The following SEC14L1 variants were observed in gnomAD, a reference collection of about 807,000 sequenced individuals.
SEC14L1 encodes SEC14-like protein 1.
A neutral mutation model predicts 85.3 loss-of-function variants in SEC14L1; 48 were observed. That is an observed-to-expected ratio of 0.56 (90% CI 0.45 to 0.72). SEC14L1 has a LOEUF of 0.72. Ranked by LOEUF, SEC14L1 falls within the 30% of genes least tolerant of loss-of-function variation. The pLI, the probability that SEC14L1 is intolerant of heterozygous loss-of-function variation, is 0.00. For missense variants in SEC14L1, 682 were observed against 921.4 expected, an observed-to-expected ratio of 0.74 and a Z score of 3.36; for synonymous variants, 391 against 355.5, an observed-to-expected ratio of 1.10 and a Z score of -1.12.
chr17:77,196,405 A>C lies in SEC14L1; in HGVS notation c.819+94A>C, dbSNP rs573728498. On this transcript the variant is annotated intron_variant, in intron 8 of 16. Coordinates refer to ENST00000436233, the MANE Select transcript of SEC14L1 (RefSeq NM_001143998.2). ...ATAGTCACCAAGAGTGATATTCCCA[A>C]CTTCCACGGCTGGGAATGTTTCTTC... 24 of 709,058 alleles carry C rather than the reference A, an allele frequency of 3.4e-5. No individual in the cohort carries two copies. In the East Asian group the frequency reaches 6.7e-4, roughly 20 times the overall value. The allele number at this position is 709,058 out of a possible 1,614,324, so 43.9% of individuals were successfully genotyped here. A position where few individuals can be genotyped will look rare whatever the true frequency, so the allele number is the denominator to read the frequency against.
chr17:77,114,925 T>C (rs892720575), intron 3 of SEC14L1, among the ~76,000 whole-genome samples: 20 of 151,148 alleles, frequency 1.3e-4, no homozygotes, highest in Non-Finnish European at 2.7e-4. Context: ...CTCCCAGCTA[T>C]AGCAGGAACA....
chr17:77,169,886 A>G (rs1974451222), intron 3 of SEC14L1, among the ~76,000 whole-genome samples: 1 of 152,214 alleles, frequency 6.6e-6, no homozygotes, highest in South Asian at 2.1e-4. Flanking sequence ...TACCTTTGGT[A>G]AAGTGAATGT....
At chr17:77,212,331 G>A (rs77014959) in intron 15 of SEC14L1, 130 bp downstream of exon 15, 20,880 of 1,343,160 alleles carry the variant, frequency 0.016, 376 homozygotes, top group Admixed American at 0.064. Context: ...TTGTGGAGGA[G>A]CAGCTTGCCT....
intron 3 of SEC14L1, among the ~76,000 whole-genome samples, chr17:77,097,407 T>C (rs1971672723): frequency 6.6e-6 from 1 of 152,078 alleles, no homozygotes; most frequent in East Asian, 1.9e-4. Context: ...CTATTAAAAG[T>C]ACAAAAATTA....
chr17:77,097,130 T>TA (rs1293306165), intron 3 of SEC14L1, among the ~76,000 whole-genome samples: 1 of 152,236 alleles, frequency 6.6e-6, no homozygotes, highest in Non-Finnish European at 1.5e-5. Flanking sequence ...AATCCAGTGT[T>TA]AACACGTACC....
At chr17:77,151,749 T>A (rs888811851) in intron 3 of SEC14L1, among the ~76,000 whole-genome samples, 2 of 152,174 alleles carry the variant, frequency 1.3e-5, no homozygotes, top group South Asian at 4.1e-4. Context: ...ATGCCCGTAA[T>A]CCCAGCACTT....
At chr17:77,151,159 C>T (rs145969809) in intron 3 of SEC14L1, among the ~76,000 whole-genome samples, 51 of 152,260 alleles carry the variant, frequency 3.3e-4, no homozygotes, top group East Asian at 1.5e-3. Flanking sequence ...GGGTAGGTGA[C>T]TTAAAACCCA....
intron 3 of SEC14L1, among the ~76,000 whole-genome samples, chr17:77,164,190 C>T (rs1333275373): frequency 2.6e-5 from 4 of 152,224 alleles, no homozygotes; most frequent in Non-Finnish European, 5.9e-5. Flanking sequence ...TGGGCTGACC[C>T]GGTACCGTGC....
chr17:77,186,815 T>C (rs1416983493), intron 3 of SEC14L1, among the ~76,000 whole-genome samples: 1 of 152,188 alleles, frequency 6.6e-6, no homozygotes, highest in Non-Finnish European at 1.5e-5. Flanking sequence ...GGGAGTGTTT[T>C]TAGTATAATA....
intron 10 of SEC14L1, 131 bp from the exon 11 acceptor site, chr17:77,205,145 T>G: frequency 1.4e-6 from 1 of 705,274 alleles, no homozygotes; most frequent in East Asian, 2.6e-5. Context: ...TGTAAGAAAA[T>G]CTCCATAGGT....
chr17:77,109,258 C>T (rs1393222343), intron 3 of SEC14L1, among the ~76,000 whole-genome samples: 2 of 152,248 alleles, frequency 1.3e-5, no homozygotes, highest in African/African-American at 4.8e-5. Flanking sequence ...AAAAGATAAC[C>T]AGTCACAGTT....
At chr17:77,175,515 G>A (rs754497306) in intron 3 of SEC14L1, among the ~76,000 whole-genome samples, 4 of 152,228 alleles carry the variant, frequency 2.6e-5, no homozygotes, top group African/African-American at 9.6e-5. Flanking sequence ...ATCTGTGTTT[G>A]CCTAGGCATG....
At chr17:77,176,159 G>C (rs570471974) in intron 3 of SEC14L1, among the ~76,000 whole-genome samples, 21 of 152,152 alleles carry the variant, frequency 1.4e-4, no homozygotes, top group Non-Finnish European at 2.5e-4. Context: ...GCGTGGTGCT[G>C]CACACCTGTA....
chr17:77,213,209 C>T lies in SEC14L1; in HGVS notation c.1864-105C>T, dbSNP rs1347057587. 2 of 956,560 alleles carry T rather than the reference C, an allele frequency of 2.1e-6. No individual in the cohort carries two copies. Among genetic ancestry groups the T allele is most frequent in the Non-Finnish European group, 3.1e-6 (2 of 654,880 alleles). The allele number at this position is 956,560 out of a possible 1,614,324, so 59.3% of individuals were successfully genotyped here. A position where few individuals can be genotyped will look rare whatever the true frequency, so the allele number is the denominator to read the frequency against. ...AATCCCATTGAGATAGTTTCCGTAGCTACATGAAATCCTAAAGACAGTCCC... is the reference window on the plus strand; with the variant it reads ...AATCCCATTGAGATAGTTTCCGTAGTTACATGAAATCCTAAAGACAGTCCC... On this transcript the variant is annotated intron_variant, in intron 15 of 16. Coordinates refer to ENST00000436233, the MANE Select transcript of SEC14L1 (RefSeq NM_001143998.2). The surrounding 1 kb of genome is among the most constrained non-coding windows in gnomAD (Gnocchi z 7.1).
chr17:77,091,083 T>TTTTTG lies in SEC14L1; in HGVS notation c.-240+1831_-240+1835dup, dbSNP rs1208592121. ...GGATACCATTATGGGATTTTTGGGG[T>TTTTTG]TTTTGTTTTGTTTTGTTTTGTTTGA... On this transcript the variant is annotated intron_variant, in intron 2 of 19. Transcript: ENST00000392476. Among the ~76,000 whole-genome samples, 13 of 150,688 alleles carry TTTTTG rather than the reference T, an allele frequency of 8.6e-5. No individual in the cohort carries two copies. In the South Asian group the frequency reaches 1.5e-3, roughly 17 times the overall value.
At chr17:77,170,468 A>G (rs1974477247) in intron 3 of SEC14L1, among the ~76,000 whole-genome samples, 1 of 152,200 alleles carries the variant, frequency 6.6e-6, no homozygotes. Context: ...TGCAAATTCA[A>G]GGGGTGCAGT....
At chr17:77,106,811 T>C (rs1971925392) in intron 3 of SEC14L1, among the ~76,000 whole-genome samples, 1 of 152,122 alleles carries the variant, frequency 6.6e-6, no homozygotes, top group Non-Finnish European at 1.5e-5. Flanking sequence ...CACTCCAACC[T>C]AGGCAACAGA....
chr17:77,209,731 T>G (rs1976653608), intron 14 of SEC14L1: 1 of 359,574 alleles, frequency 2.8e-6, no homozygotes. Context: ...ACCTCCATTT[T>G]ACTAAAGCCA....
intron 1 of SEC14L1, chr17:77,141,309 C>T (rs1199503524): frequency 1.6e-5 from 2 of 128,766 alleles, no homozygotes; most frequent in African/African-American, 5.9e-5. Flanking sequence ...CGCCCCCCTG[C>T]TCGCCCCTCG....
Sources: gnomAD v4.1 joint callset for allele counts (sites outside exome capture counted in the v4.1 genomes callset) on GRCh38, gnomAD v4.1.1 for gene constraint, Gnocchi (gnomAD v3.1) non-coding constraint, MANE v1.5 for transcripts, NCBI Gene and HGNC (gene_info 2026-07-23, HGNC 2026-07-21) for gene names.